NRXN1: variants seen among roughly 807,000 people sequenced by gnomAD.
NRXN1 encodes the protein neurexin 1.
Under a neutral mutation model 150.9 loss-of-function variants are expected in NRXN1, and 39 were observed. The observed-to-expected ratio is 0.26, with a 90% CI of 0.20 to 0.34. The LOEUF (loss-of-function observed/expected upper bound fraction) is 0.34, where lower values mean the gene tolerates loss of function less well. NRXN1 is among the 10% of genes least tolerant of loss of function. The probability of loss-of-function intolerance (pLI) is 1.00; values close to 1 mark genes in which losing one functional copy is unlikely to be tolerated. For missense variants in NRXN1, 1,815 were observed against 1,949.9 expected (o/e 0.93, Z 1.30); for synonymous variants, 924 against 757.0 (o/e 1.22, Z -3.62).
At chr2:50,313,232 ATT>A (rs1335320740) in intron 17 of NRXN1, among the ~76,000 whole-genome samples, 1 of 152,068 alleles carries the variant, frequency 6.6e-6, no homozygotes, top group East Asian at 1.9e-4. Context: ...CTACAGTCTC[ATT>A]CTTTTTGCCT....
intron 18 of NRXN1, among the ~76,000 whole-genome samples, chr2:50,188,738 T>C (rs1314302265): frequency 6.6e-6 from 1 of 151,542 alleles, no homozygotes; most frequent in African/African-American, 2.4e-5. Context: ...AAAGAAGGTA[T>C]TTATGTGGCC....
Position 50,236,615 on chromosome 2 carries a change from G to A in NRXN1, c.3546+174C>T, listed in dbSNP as rs184495734. On this transcript the variant is annotated intron_variant, in intron 18 of 22. Transcript: ENST00000401669. Reference sequence around the variant, plus strand: ...AAAAAGTTTGCATTGTAAAGAACGCGATTAACTACAGCAATAGGTATATGG... The same window carrying A: ...AAAAAGTTTGCATTGTAAAGAACGCAATTAACTACAGCAATAGGTATATGG... Among the ~76,000 whole-genome samples, 116 of 150,458 alleles carry A rather than the reference G, an allele frequency of 7.7e-4. 2 individuals carry two copies. In the East Asian group the frequency reaches 8.2e-3, roughly 11 times the overall value.
At chr2:50,620,960 G>T (rs1209751554) in intron 7 of NRXN1, 1 of 417,132 alleles carries the variant, frequency 2.4e-6, no homozygotes, top group East Asian at 3.7e-5. Flanking sequence ...CTTATCCCGT[G>T]TTAACCACAG....
intron 17 of NRXN1, among the ~76,000 whole-genome samples, chr2:50,430,990 T>A (rs757650212): frequency 7.2e-5 from 11 of 152,172 alleles, no homozygotes; most frequent in Non-Finnish European, 1.5e-4. Context: ...TGTGAATGCA[T>A]ACATCACTGC....
chr2:50,302,777 C>A (rs775231352), intron 17 of NRXN1, among the ~76,000 whole-genome samples: 37 of 152,152 alleles, frequency 2.4e-4, no homozygotes, highest in Admixed American at 5.2e-4. Context: ...ATTTGTAAGA[C>A]ATTTAGGGTA....
chr2:50,392,542 A>G (rs2081791618), intron 17 of NRXN1, among the ~76,000 whole-genome samples: 2 of 152,298 alleles, frequency 1.3e-5, no homozygotes, highest in African/African-American at 4.8e-5. Flanking sequence ...CAAATATTAA[A>G]TATCATAAAT....
intron 5 of NRXN1, among the ~76,000 whole-genome samples, chr2:50,764,241 A>G (rs952628997): frequency 6.6e-6 from 1 of 151,984 alleles, no homozygotes; most frequent in Non-Finnish European, 1.5e-5. Flanking sequence ...CAGCAAACAA[A>G]GCCCCTGCCC....
chr2:50,485,704 G>C (rs1004398926), intron 15 of NRXN1, among the ~76,000 whole-genome samples: 11 of 152,232 alleles, frequency 7.2e-5, no homozygotes, highest in African/African-American at 2.7e-4. Flanking sequence ...CATGTGGTAA[G>C]AGTCTGTGAG....
chr2:50,214,713 C>T (rs1198092337), intron 18 of NRXN1, among the ~76,000 whole-genome samples: 1 of 151,920 alleles, frequency 6.6e-6, no homozygotes, highest in African/African-American at 2.4e-5. Flanking sequence ...GAAGTCATAA[C>T]ATATCCTACA....
At chr2:49,993,743 A>G (rs1200423460) in intron 21 of NRXN1, among the ~76,000 whole-genome samples, 1 of 152,136 alleles carries the variant, frequency 6.6e-6, no homozygotes, top group Non-Finnish European at 1.5e-5. Flanking sequence ...AGACATTTAG[A>G]AATCATGGAA....
At chr2:50,710,611 T>G (rs1695025169) in intron 5 of NRXN1, among the ~76,000 whole-genome samples, 1 of 152,202 alleles carries the variant, frequency 6.6e-6, no homozygotes, top group African/African-American at 2.4e-5. Context: ...CTAAACATAC[T>G]TTTCCCATCT....
intron 18 of NRXN1, among the ~76,000 whole-genome samples, chr2:50,139,601 A>AAAAAC (rs532913936): frequency 0.018 from 2,792 of 152,204 alleles, 83 homozygotes; most frequent in African/African-American, 0.06. Context: ...AAAGAGAGGA[A>AAAAAC]AAAACAAAAC....
intron 5 of NRXN1, among the ~76,000 whole-genome samples, chr2:50,646,588 A>G (rs944766180): frequency 6.6e-6 from 1 of 151,916 alleles, no homozygotes; most frequent in Non-Finnish European, 1.5e-5. Flanking sequence ...GCTAAATCAC[A>G]TTAATCTATT....
chr2:51,007,092 T>C (rs1349020828), intron 2 of NRXN1, among the ~76,000 whole-genome samples: 7 of 152,008 alleles, frequency 4.6e-5, no homozygotes. Flanking sequence ...CATTTTTCTC[T>C]AGTGCATAAA....
intron 18 of NRXN1, among the ~76,000 whole-genome samples, chr2:50,220,795 G>C (rs1045530466): frequency 1.3e-5 from 2 of 151,916 alleles, no homozygotes; most frequent in Non-Finnish European, 2.9e-5. Flanking sequence ...CTCATGGAAA[G>C]CTCCAAAGAA....
chr2:50,347,074 G>T lies in NRXN1; in HGVS notation c.3365-110104C>A. On this transcript the variant is annotated intron_variant, in intron 17 of 22. Transcript: ENST00000401669. The surrounding 1 kb of genome is among the most constrained non-coding windows in gnomAD (Gnocchi z 4.9). Reference sequence around the variant, plus strand: ...GGGGCCGGCCGCCTCACCGCGCCAGGGCACCCATCCTCTCCCTCCTTCGGA... The same window carrying T: ...GGGGCCGGCCGCCTCACCGCGCCAGTGCACCCATCCTCTCCCTCCTTCGGA... 14 of 1,381,840 alleles carry T rather than the reference G, an allele frequency of 1.0e-5. No homozygotes were observed. Among genetic ancestry groups the T allele is most frequent in the Non-Finnish European group, 1.3e-5 (14 of 1,052,698 alleles). The allele number at this position is 1,381,840 out of a possible 1,614,324, so 85.6% of individuals were successfully genotyped here.
At chr2:50,786,814 C>T (rs1477338927) in intron 5 of NRXN1, among the ~76,000 whole-genome samples, 6 of 152,092 alleles carry the variant, frequency 3.9e-5, no homozygotes, top group Non-Finnish European at 5.9e-5. Context: ...AAATGGTAAA[C>T]CAACCTTCCC....
chr2:50,415,399 C>T (rs2083464917), intron 17 of NRXN1, among the ~76,000 whole-genome samples: 1 of 152,018 alleles, frequency 6.6e-6, no homozygotes, highest in African/African-American at 2.4e-5. Context: ...TTTCTCTTCA[C>T]TAGATTGACA....
chr2:50,864,718 C>T (rs915881915), intron 5 of NRXN1, among the ~76,000 whole-genome samples: 2 of 151,980 alleles, frequency 1.3e-5, no homozygotes, highest in Admixed American at 6.6e-5. Context: ...ATCTCTGGGC[C>T]TTTTCCAAAT....
Sources: allele counts gnomAD v4.1 joint callset (sites outside exome capture counted in the v4.1 genomes callset), GRCh38; gene constraint gnomAD v4.1.1; non-coding constraint Gnocchi (gnomAD v3.1); transcripts MANE v1.5; gene names NCBI Gene and HGNC (gene_info 2026-07-23, HGNC 2026-07-21).